Variants in TAFA1 observed in about 807,000 individuals in gnomAD.
TAFA1 encodes the protein chemokine-like protein TAFA-1.
Under a neutral mutation model 18.5 loss-of-function variants are expected in TAFA1, and 4 were observed. The observed-to-expected ratio is 0.22, with a 90% CI of 0.11 to 0.49. The LOEUF is 0.49. Ranked by LOEUF, TAFA1 falls within the 20% of genes least tolerant of loss-of-function variation. TAFA1 has a pLI of 0.98. For synonymous variants in TAFA1, 56 were observed against 55.2 expected (o/e 1.01, Z -0.06); for missense variants, 147 against 169.0 (o/e 0.87, Z 0.72).
chr3:68,221,436 A>T (rs1399146698), intron 2 of TAFA1, among the ~76,000 whole-genome samples: 1 of 152,166 alleles, frequency 6.6e-6, no homozygotes, highest in Non-Finnish European at 1.5e-5. Context: ...GAAATACAAC[A>T]ACTTAGATAA....
chr3:68,233,913 C>T (rs1242593347), intron 2 of TAFA1, among the ~76,000 whole-genome samples: 2 of 151,970 alleles, frequency 1.3e-5, no homozygotes, highest in African/African-American at 4.8e-5. Context: ...AATAAATTCC[C>T]ATTTTACTGA....
intron 3 of TAFA1, among the ~76,000 whole-genome samples, chr3:68,424,906 G>A (rs375723166): frequency 3.3e-5 from 5 of 152,018 alleles, no homozygotes; most frequent in Non-Finnish European, 5.9e-5. Flanking sequence ...TAGACTTGGG[G>A]CCATGATGCT....
intron 3 of TAFA1, among the ~76,000 whole-genome samples, chr3:68,463,646 C>T (rs2071827065): frequency 6.6e-6 from 1 of 152,126 alleles, no homozygotes; most frequent in Admixed American, 6.6e-5. Context: ...AAAAGAAAAG[C>T]TCCATGTAAA....
chr3:68,504,182 T>G (rs2072709271), intron 3 of TAFA1, among the ~76,000 whole-genome samples: 3 of 152,178 alleles, frequency 2.0e-5, no homozygotes, highest in Non-Finnish European at 2.9e-5. Context: ...GTCCCCTTAG[T>G]CTGTCGTAAA....
intron 3 of TAFA1, among the ~76,000 whole-genome samples, chr3:68,444,555 G>C (rs1355350951): frequency 6.6e-6 from 1 of 151,986 alleles, no homozygotes; most frequent in African/African-American, 2.4e-5. Context: ...TTGTACTATA[G>C]CTCCCTAAGA....
chr3:68,114,620 G>T (rs955787528), intron 2 of TAFA1, among the ~76,000 whole-genome samples: 17 of 152,226 alleles, frequency 1.1e-4, no homozygotes, highest in Admixed American at 3.3e-4. Flanking sequence ...CATGATGCTA[G>T]TAAGAGTGTA....
At chr3:68,421,422 TAGA>T (rs2070953017) in intron 3 of TAFA1, among the ~76,000 whole-genome samples, 2 of 152,176 alleles carry the variant, frequency 1.3e-5, no homozygotes, top group African/African-American at 2.4e-5. Flanking sequence ...TTTGGTGGCC[TAGA>T]TCTCTAAATG....
intron 3 of TAFA1, among the ~76,000 whole-genome samples, chr3:68,444,134 T>C (rs1483490445): frequency 2.0e-5 from 3 of 152,164 alleles, no homozygotes; most frequent in Non-Finnish European, 4.4e-5. Flanking sequence ...TGTCAGGCAG[T>C]GTGCCCACCT....
chr3:68,132,358 A>G (rs1173449309), intron 2 of TAFA1, among the ~76,000 whole-genome samples: 1 of 152,216 alleles, frequency 6.6e-6, no homozygotes, highest in Non-Finnish European at 1.5e-5. Context: ...ATGTGTCTTT[A>G]TAGTAGAATG....
intron 2 of TAFA1, among the ~76,000 whole-genome samples, chr3:68,250,359 A>G (rs2067169134): frequency 6.6e-6 from 1 of 152,206 alleles, no homozygotes; most frequent in South Asian, 2.1e-4. Flanking sequence ...AGCTTATCAT[A>G]TAAGACATAC....
intron 2 of TAFA1, among the ~76,000 whole-genome samples, chr3:68,396,800 A>C (rs922671236): frequency 3.3e-5 from 5 of 152,208 alleles, no homozygotes; most frequent in African/African-American, 1.2e-4. Flanking sequence ...ATTCTATTAA[A>C]ATGCTGCTTT....
chr3:68,475,767 G>A (rs1184572456), intron 3 of TAFA1, among the ~76,000 whole-genome samples: 1 of 125,998 alleles, frequency 7.9e-6, no homozygotes, highest in African/African-American at 2.7e-5. Context: ...CTAGTTTACA[G>A]TCCCACCAAC....
At chr3:68,458,025 G>T (rs188975793) in intron 3 of TAFA1, among the ~76,000 whole-genome samples, 1 of 152,266 alleles carries the variant, frequency 6.6e-6, no homozygotes, top group African/African-American at 2.4e-5. Context: ...GATATGGTCT[G>T]GATTTATGGC....
intron 2 of TAFA1, among the ~76,000 whole-genome samples, chr3:68,082,659 CGAT>C (rs893810795): frequency 1.6e-4 from 25 of 152,164 alleles, no homozygotes; most frequent in African/African-American, 6.0e-4. Flanking sequence ...ATGATGATAA[CGAT>C]GATGATGATG....
chr3:68,025,229 C>T (rs1205957950), intron 2 of TAFA1, among the ~76,000 whole-genome samples: 1 of 152,130 alleles, frequency 6.6e-6, no homozygotes, highest in Non-Finnish European at 1.5e-5. Flanking sequence ...ACACTCCATT[C>T]TTCTCAGATT....
Position 68,084,992 on chromosome 3 carries a change from G to A in TAFA1, c.118+78248G>A, listed in dbSNP as rs535362865. Among the ~76,000 whole-genome samples the A allele has an allele frequency of 9.3e-4, 142 of 152,064 alleles. 1 individual carries two copies. Among genetic ancestry groups the A allele is most frequent in the South Asian group, 6.0e-3 (29 of 4,828 alleles). ...CTCCCCATTGTAATGTGAACTCCAG[G>A]TCATAAAAATTTTATCTCGTTATCC... On this transcript the variant is annotated intron_variant, in intron 2 of 4. Coordinates refer to ENST00000478136, the MANE Select transcript of TAFA1 (RefSeq NM_213609.4).
intron 2 of TAFA1, among the ~76,000 whole-genome samples, chr3:68,390,482 C>G (rs2070211397): frequency 6.6e-6 from 1 of 152,236 alleles, no homozygotes; most frequent in Non-Finnish European, 1.5e-5. Flanking sequence ...CAGCAGATCT[C>G]TCAGCACAGC....
At chr3:68,110,789 T>C (rs567086738) in intron 2 of TAFA1, among the ~76,000 whole-genome samples, 98 of 152,258 alleles carry the variant, frequency 6.4e-4, no homozygotes, top group African/African-American at 2.2e-3. Flanking sequence ...TTCTTTGGCA[T>C]AAAAGTAATT....
intron 2 of TAFA1, among the ~76,000 whole-genome samples, chr3:68,252,845 T>G (rs909727143): frequency 3.9e-5 from 6 of 152,152 alleles, no homozygotes; most frequent in African/African-American, 1.2e-4. Flanking sequence ...AGGGACCCAG[T>G]TGCAGGTAAT....
Sources: allele counts gnomAD v4.1 joint callset (sites outside exome capture counted in the v4.1 genomes callset), GRCh38; gene constraint gnomAD v4.1.1; transcripts MANE v1.5; gene names NCBI Gene and HGNC (gene_info 2026-07-23, HGNC 2026-07-21).